The following CHRM3 variants were observed in gnomAD, a reference collection of about 807,000 sequenced individuals.
CHRM3 encodes the protein muscarinic acetylcholine receptor M3.
CHRM3 carries 11 observed loss-of-function variants against 41.8 expected under a neutral mutation model. The observed-to-expected ratio is 0.26, with a 90% confidence interval of 0.17 to 0.44. The LOEUF is 0.44. Ranked by LOEUF, CHRM3 falls within the 20% of genes least tolerant of loss-of-function variation. The pLI is 1.00. For synonymous variants in CHRM3, 297 were observed against 301.4 expected (o/e 0.99, Z 0.15); for missense variants, 571 against 745.4 (o/e 0.77, Z 2.72).
At chr1:239,602,259 C>T (rs905802891) in intron 3 of CHRM3, among the ~76,000 whole-genome samples, 9 of 151,494 alleles carry the variant, frequency 5.9e-5, no homozygotes, top group Non-Finnish European at 8.8e-5. Flanking sequence ...CTCAGCCTCC[C>T]GAGTAATAAA....
intron 5 of CHRM3, among the ~76,000 whole-genome samples, chr1:239,791,717 G>C (rs1402202230): frequency 4.6e-5 from 7 of 152,150 alleles, no homozygotes; most frequent in Admixed American, 1.3e-4. Flanking sequence ...GAAAGAAAAG[G>C]GTTGGTGATA....
chr1:239,672,578 A>C (rs1674481697), intron 4 of CHRM3, among the ~76,000 whole-genome samples: 2 of 146,474 alleles, frequency 1.4e-5, no homozygotes, highest in African/African-American at 5.2e-5. Flanking sequence ...GTTCATTTAA[A>C]CCATGTCTCT....
intron 6 of CHRM3, among the ~76,000 whole-genome samples, chr1:239,875,213 A>G (rs1677019208): frequency 6.6e-6 from 1 of 152,212 alleles, no homozygotes; most frequent in East Asian, 1.9e-4. Context: ...TTCAGGACCC[A>G]TGAGGCTTGA....
chr1:239,654,556 T>C (rs963129401), intron 4 of CHRM3, among the ~76,000 whole-genome samples: 1 of 151,962 alleles, frequency 6.6e-6, no homozygotes, highest in Non-Finnish European at 1.5e-5. Flanking sequence ...ACACCACCCA[T>C]CCTGGCTAAT....
rs1247114454 is a variant in CHRM3, at chr1:239,404,454, G to GA, written c.-521+17230dup. ...AGAAAGAAAGAAAGAAAGAAAGAAAGAAAGAAAGAAAGAAAAAGAAAGAAA... is the reference window on the plus strand; with the variant it reads ...AGAAAGAAAGAAAGAAAGAAAGAAAGAAAAGAAAGAAAGAAAAAGAAAGAAA... On this transcript the variant is annotated intron_variant, in intron 1 of 6. Coordinates refer to ENST00000676153, the MANE Select transcript of CHRM3 (RefSeq NM_001375978.1). 8.8e-5 allele frequency among the ~76,000 whole-genome samples: 12 copies of GA among 136,914 alleles called. 1 individual carries two copies. The highest frequency in any genetic ancestry group is 8.5e-5 in the African/African-American group (3 of 35,232). The allele number at this position is 136,914 out of a possible 152,430, so 89.8% of individuals were successfully genotyped here.
At position 239,416,530 on chromosome 1, in the gene CHRM3, A is replaced by T. The variant is rs538131500; in HGVS notation, c.-521+29303A>T. 2.6e-5 allele frequency among the ~76,000 whole-genome samples: 4 copies of T among 152,346 alleles called. No individual in the cohort carries two copies. The South Asian group carries it at 6.2e-4, about 24-fold the overall frequency. On this transcript the variant is annotated intron_variant, in intron 1 of 6. Transcript: ENST00000676153. ...ATACTGGTCTGGATTAATGACAGGTATCAGTAGCAATTGTGAATTGTTTTC... is the reference window on the plus strand; with the variant it reads ...ATACTGGTCTGGATTAATGACAGGTTTCAGTAGCAATTGTGAATTGTTTTC...
At chr1:239,717,642 C>T (rs1662519833) in intron 5 of CHRM3, among the ~76,000 whole-genome samples, 1 of 151,898 alleles carries the variant, frequency 6.6e-6, no homozygotes, top group African/African-American at 2.4e-5. Context: ...AAGGGGGGTG[C>T]TTATATAATC....
chr1:239,434,634 T>C (rs10925886), intron 1 of CHRM3, among the ~76,000 whole-genome samples: 35,551 of 152,170 alleles, frequency 0.23, 4,374 homozygotes, highest in Middle Eastern at 0.31. Flanking sequence ...TCAATAAATA[T>C]TTATTGAGTA....
chr1:239,814,455 T>C (rs1031091711), intron 5 of CHRM3, among the ~76,000 whole-genome samples: 3 of 152,200 alleles, frequency 2.0e-5, no homozygotes, highest in Middle Eastern at 3.2e-3. Context: ...ATTTCAGAGA[T>C]GTCCAGAGCT....
At chr1:239,853,342 C>G (rs993728186) in intron 6 of CHRM3, among the ~76,000 whole-genome samples, 1 of 151,864 alleles carries the variant, frequency 6.6e-6, no homozygotes, top group Non-Finnish European at 1.5e-5. Context: ...AAAATCTGAA[C>G]TCTGCCCAAT....
chr1:239,394,947 C>T (rs1240513551), intron 1 of CHRM3, among the ~76,000 whole-genome samples: 1 of 152,144 alleles, frequency 6.6e-6, no homozygotes, highest in Non-Finnish European at 1.5e-5. Flanking sequence ...TACCCTCTGA[C>T]TTTAAATCTT....
chr1:239,684,999 C>G (rs1300818525), intron 5 of CHRM3, among the ~76,000 whole-genome samples: 1 of 152,152 alleles, frequency 6.6e-6, no homozygotes, highest in Non-Finnish European at 1.5e-5. Context: ...AAACCTCTCC[C>G]TTGCATCTTC....
At chr1:239,620,669 T>C (rs1668257447) in intron 3 of CHRM3, among the ~76,000 whole-genome samples, 1 of 152,100 alleles carries the variant, frequency 6.6e-6, no homozygotes, top group African/African-American at 2.4e-5. Context: ...TAAAAATGGA[T>C]GTATATATAT....
At position 239,915,052 on chromosome 1, in the gene CHRM3, T is replaced by C; in HGVS notation, c.*5828T>C. Reference sequence around the variant, plus strand: ...GAGGAATAATTACATAAAAATGGGCTTCCACGATGGTGAATCAGCATGCTG... The same window carrying C: ...GAGGAATAATTACATAAAAATGGGCCTCCACGATGGTGAATCAGCATGCTG... On this transcript the variant is annotated 3_prime_UTR_variant, in exon 7 of 7. Coordinates refer to ENST00000676153, the MANE Select transcript of CHRM3 (RefSeq NM_001375978.1). 2 of 167,190 alleles carry C rather than the reference T, an allele frequency of 1.2e-5. No individual in the cohort carries two copies. 10.4% of individuals were successfully genotyped at this position (167,190 alleles called of 1,614,324 possible). A position where few individuals can be genotyped will look rare whatever the true frequency, so the allele number is the denominator to read the frequency against.
At chr1:239,900,377 CTTTTTTTT>C (rs10567817) in intron 6 of CHRM3, among the ~76,000 whole-genome samples, 6 of 130,392 alleles carry the variant, frequency 4.6e-5, no homozygotes, top group African/African-American at 1.4e-4. Context: ...TTTAGATATT[CTTTTTTTT>C]TTTTTTTTTT....
Position 239,519,741 on chromosome 1 carries a change from C to CTTTTTTTTTTTTTTTT in CHRM3, c.-421-25891_-421-25876dup, listed in dbSNP as rs386370161. ...ATTTTCACGTGGTTAAAAACTAGTTCTTTTTTTTTTTTTTTTTTTTTTTTG... is the reference window on the plus strand; with the variant it reads ...ATTTTCACGTGGTTAAAAACTAGTTCTTTTTTTTTTTTTTTTTTTTTTTTTTTTTTTTTTTTTTTTG... On this transcript the variant is annotated intron_variant, in intron 2 of 6. Transcript: ENST00000676153. Among the ~76,000 whole-genome samples the CTTTTTTTTTTTTTTTT allele has an allele frequency of 3.5e-5, 3 of 85,066 alleles. 1 individual carries two copies. Among genetic ancestry groups the CTTTTTTTTTTTTTTTT allele is most frequent in the Admixed American group, 1.7e-4 (1 of 5,914 alleles). 55.8% of individuals were successfully genotyped at this position (85,066 alleles called of 152,430 possible).
intron 5 of CHRM3, among the ~76,000 whole-genome samples, chr1:239,821,849 C>T (rs765608744): frequency 9.2e-5 from 14 of 152,160 alleles, no homozygotes; most frequent in Admixed American, 1.3e-4. Context: ...GTGGAGGTAA[C>T]TGGATCATGG....
chr1:239,542,054 A>T (rs995779324), intron 2 of CHRM3, among the ~76,000 whole-genome samples: 2 of 152,082 alleles, frequency 1.3e-5, no homozygotes, highest in African/African-American at 4.8e-5. Context: ...AGAAATATGT[A>T]TGTGTGGGCA....
At chr1:239,447,754 C>T (rs1051907649) in intron 1 of CHRM3, among the ~76,000 whole-genome samples, 2 of 151,782 alleles carry the variant, frequency 1.3e-5, no homozygotes, top group Non-Finnish European at 1.5e-5. Flanking sequence ...CCAGCCTGGG[C>T]GAAAAGAGCG....
Sources: gnomAD v4.1 joint callset for allele counts (sites outside exome capture counted in the v4.1 genomes callset) on GRCh38, gnomAD v4.1.1 for gene constraint, MANE v1.5 for transcripts, NCBI Gene and HGNC (gene_info 2026-07-23, HGNC 2026-07-21) for gene names.